Variants in NCALD observed in about 807,000 individuals in gnomAD.
NCALD encodes the protein neurocalcin-delta.
NCALD carries 10 observed loss-of-function variants against 18.6 expected under a neutral mutation model. The observed-to-expected ratio is 0.54, with a 90% CI of 0.33 to 0.91. The LOEUF (loss-of-function observed/expected upper bound fraction) is 0.91. NCALD is among the 40% of genes least tolerant of loss of function. The pLI, the probability that NCALD is intolerant of heterozygous loss-of-function variation, is 0.03. For missense variants in NCALD, 184 were observed against 247.6 expected (o/e 0.74, Z 1.72); for synonymous variants, 88 against 87.4 (o/e 1.01, Z -0.04).
At chr8:101,715,977 C>A (rs1034415476) in intron 2 of NCALD, among the ~76,000 whole-genome samples, 20 of 152,126 alleles carry the variant, frequency 1.3e-4, no homozygotes, top group Admixed American at 3.9e-4. Context: ...GGTATATACC[C>A]AAAGGATTAT....
At chr8:102,083,586 G>A (rs1824630628) in intron 1 of NCALD, among the ~76,000 whole-genome samples, 1 of 152,104 alleles carries the variant, frequency 6.6e-6, no homozygotes, top group Non-Finnish European at 1.5e-5. Context: ...ACTCAGCCTG[G>A]AAACAAAAAG....
At chr8:101,881,641 C>T (rs1236089239) in intron 4 of NCALD, among the ~76,000 whole-genome samples, 1 of 152,076 alleles carries the variant, frequency 6.6e-6, no homozygotes, top group Non-Finnish European at 1.5e-5. Context: ...CATTAAGACT[C>T]TCATAAATGT....
intron 1 of NCALD, among the ~76,000 whole-genome samples, chr8:102,023,344 T>C (rs970148546): frequency 1.0e-3 from 59 of 56,636 alleles, no homozygotes; most frequent in Non-Finnish European, 1.0e-3. Context: ...GGAATCACAC[T>C]GGGTTTAGAA....
chr8:101,795,629 G>A (rs1812610431), upstream of NCALD, among the ~76,000 whole-genome samples: 1 of 152,200 alleles, frequency 6.6e-6, no homozygotes, highest in Non-Finnish European at 1.5e-5. Context: ...CCATCACTTT[G>A]TGGGTTAGGG....
chr8:101,730,468 A>C (rs1052053954), intron 1 of NCALD, among the ~76,000 whole-genome samples: 30 of 121,300 alleles, frequency 2.5e-4, no homozygotes, highest in African/African-American at 1.1e-3. Flanking sequence ...CAACAGAGCG[A>C]GACTCCATCT....
chr8:101,899,729 A>ACCCT (rs1215619148), intron 3 of NCALD, among the ~76,000 whole-genome samples: 35 of 132,888 alleles, frequency 2.6e-4, no homozygotes, highest in African/African-American at 1.2e-3. Context: ...GAATAAATAT[A>ACCCT]TGGTTATGGC....
At chr8:101,793,472 C>T (rs1812524913), upstream of NCALD, among the ~76,000 whole-genome samples, 1 of 152,084 alleles carries the variant, frequency 6.6e-6, no homozygotes, top group Non-Finnish European at 1.5e-5. Flanking sequence ...AATTTGCCTA[C>T]CTACTCATTT....
intron 1 of NCALD, among the ~76,000 whole-genome samples, chr8:101,729,290 T>C (rs1001032949): frequency 1.3e-5 from 2 of 152,198 alleles, no homozygotes; most frequent in Non-Finnish European, 2.9e-5. Flanking sequence ...CAGGAAAAAA[T>C]TAAAAGAGGG....
At chr8:101,715,352 A>C (rs977178886) in intron 2 of NCALD, among the ~76,000 whole-genome samples, 39 of 152,206 alleles carry the variant, frequency 2.6e-4, no homozygotes, top group Non-Finnish European at 5.0e-4. Context: ...AGATTTAAAC[A>C]TAAAACCTAA....
chr8:102,054,724 T>TATAGATAG (rs57636969), intron 1 of NCALD, among the ~76,000 whole-genome samples: 26 of 149,920 alleles, frequency 1.7e-4, no homozygotes, highest in East Asian at 1.6e-3. Flanking sequence ...ATAGATATCC[T>TATAGATAG]ATAGATAGAT....
At chr8:102,083,477 G>A (rs7012174) in intron 1 of NCALD, among the ~76,000 whole-genome samples, 21,739 of 152,064 alleles carry the variant, frequency 0.14, 1,654 homozygotes, top group African/African-American at 0.18. Context: ...GATTACAACT[G>A]GGTGATCCAA....
intron 1 of NCALD, among the ~76,000 whole-genome samples, chr8:101,729,100 G>A (rs1816700411): frequency 6.6e-6 from 1 of 152,084 alleles, no homozygotes; most frequent in Non-Finnish European, 1.5e-5. Context: ...TTCATTTCTA[G>A]GTCAATTGTC....
intron 2 of NCALD, among the ~76,000 whole-genome samples, chr8:101,947,092 G>A (rs1159703526): frequency 6.6e-6 from 1 of 152,150 alleles, no homozygotes; most frequent in African/African-American, 2.4e-5. Flanking sequence ...AACAGGAGAT[G>A]GAACATGGCT....
chr8:101,813,278 T>C (rs934064116), intron 4 of NCALD, among the ~76,000 whole-genome samples: 1 of 151,148 alleles, frequency 6.6e-6, no homozygotes, highest in African/African-American at 2.4e-5. Context: ...AGATGAGGAG[T>C]TGGGAGAAGT....
intron 1 of NCALD, among the ~76,000 whole-genome samples, chr8:102,053,190 C>G (rs971530798): frequency 2.0e-5 from 3 of 152,164 alleles, no homozygotes; most frequent in Admixed American, 6.5e-5. Context: ...ATGTCATAAT[C>G]TCATTTCATG....
chr8:101,934,852 A>G (rs1488859174), intron 2 of NCALD, among the ~76,000 whole-genome samples: 3 of 152,174 alleles, frequency 2.0e-5, no homozygotes, highest in African/African-American at 7.2e-5. Context: ...AAAAGAAGAG[A>G]TAAGATTTAA....
intron 3 of NCALD, among the ~76,000 whole-genome samples, chr8:101,888,198 G>C (rs1816743580): frequency 6.6e-6 from 1 of 152,172 alleles, no homozygotes; most frequent in African/African-American, 2.4e-5. Flanking sequence ...ATTGGGGTTA[G>C]AGGAAAGGGA....
chr8:101,923,690 A>C (rs1467134613), intron 2 of NCALD, among the ~76,000 whole-genome samples: 2 of 152,208 alleles, frequency 1.3e-5, no homozygotes, highest in Non-Finnish European at 2.9e-5. Flanking sequence ...GTTTAATTTC[A>C]AGGTTTTTTT....
At chr8:101,773,384 C>G (rs1246317990) in intron 1 of NCALD, among the ~76,000 whole-genome samples, 1 of 152,214 alleles carries the variant, frequency 6.6e-6, no homozygotes, top group Admixed American at 6.5e-5. Flanking sequence ...TGCTAAACCA[C>G]TCTGTGCAAA....
Sources: allele counts gnomAD v4.1 joint callset (sites outside exome capture counted in the v4.1 genomes callset), GRCh38; gene constraint gnomAD v4.1.1; transcripts MANE v1.5; gene names NCBI Gene and HGNC (gene_info 2026-07-23, HGNC 2026-07-21).